Variants in JMJD1C observed in about 807,000 individuals in gnomAD.
JMJD1C encodes the protein jumonji domain-containing protein 1C.
A neutral mutation model predicts 245.3 loss-of-function variants in JMJD1C; 31 were observed. The ratio of observed to expected loss-of-function variants is 0.13; its 90% CI spans 0.09 to 0.17. The LOEUF (loss-of-function observed/expected upper bound fraction) is 0.17, where lower values mean the gene tolerates loss of function less well. Among genes scored for constraint, JMJD1C ranks in the 10% least tolerant of loss-of-function variants. The probability of loss-of-function intolerance (pLI) is 1.00; values close to 1 mark genes in which losing one functional copy is unlikely to be tolerated. For missense variants in JMJD1C, 2,691 were observed against 3,000.2 expected (o/e 0.90, Z 2.41); for synonymous variants, 1,057 against 1,017.4 (o/e 1.04, Z -0.74).
intron 2 of JMJD1C, among the ~76,000 whole-genome samples, chr10:63,379,051 A>G (rs1327166618): frequency 6.6e-6 from 1 of 151,988 alleles, no homozygotes; most frequent in Non-Finnish European, 1.5e-5. Flanking sequence ...CTTTTTATTC[A>G]TATCTCCACT....
At chr10:63,376,265 T>C (rs1317180161) in intron 2 of JMJD1C, among the ~76,000 whole-genome samples, 1 of 152,208 alleles carries the variant, frequency 6.6e-6, no homozygotes, top group African/African-American at 2.4e-5. Context: ...TTACATGATA[T>C]TCCAAACTTA....
intron 1 of JMJD1C, among the ~76,000 whole-genome samples, chr10:63,494,925 T>C (rs1420795902): frequency 6.6e-6 from 1 of 152,194 alleles, no homozygotes; most frequent in African/African-American, 2.4e-5. Flanking sequence ...TCAAGTACCT[T>C]GAGGAAGCCC....
At chr10:63,506,711 AT>A (rs1954729553) in intron 1 of JMJD1C, among the ~76,000 whole-genome samples, 1 of 152,152 alleles carries the variant, frequency 6.6e-6, no homozygotes, top group Admixed American at 6.5e-5. Context: ...CTCCTCCAAT[AT>A]CAACATCCCA....
intron 3 of JMJD1C, among the ~76,000 whole-genome samples, chr10:63,224,597 A>G (rs1849021197): frequency 6.6e-6 from 1 of 152,220 alleles, no homozygotes; most frequent in South Asian, 2.1e-4. Flanking sequence ...ATATATATTT[A>G]CTGACTTGAA....
chr10:63,364,158 C>CG (rs1945651138), intron 2 of JMJD1C, among the ~76,000 whole-genome samples: 1 of 152,202 alleles, frequency 6.6e-6, no homozygotes, highest in Admixed American at 6.5e-5. Flanking sequence ...AGCCACTGCG[C>CG]CCAGACTGTC....
chr10:63,387,421 G>T (rs1237394532), intron 1 of JMJD1C, among the ~76,000 whole-genome samples: 1 of 151,296 alleles, frequency 6.6e-6, no homozygotes, highest in African/African-American at 2.4e-5. Context: ...ATAATACAAA[G>T]AAAAGAAAAA....
intron 2 of JMJD1C, among the ~76,000 whole-genome samples, chr10:63,283,748 G>T (rs1857664778): frequency 6.6e-6 from 1 of 151,968 alleles, no homozygotes; most frequent in African/African-American, 2.4e-5. Flanking sequence ...TCACATTTAG[G>T]TTAAACAATA....
Position 63,295,887 on chromosome 10 carries a change from G to GTA in JMJD1C, c.334-31125_334-31124dup, listed in dbSNP as rs745871180. ...TTCTGCTTAACCACACTATATATAT[G>GTA]TATATATATATACATGAATACGTGT... On this transcript the variant is annotated intron_variant, in intron 2 of 25. Transcript: ENST00000399262. Among the ~76,000 whole-genome samples, 1,347 of 136,040 alleles carry GTA rather than the reference G, an allele frequency of 9.9e-3. 7 individuals carry two copies. The highest frequency in any genetic ancestry group is 0.016 in the Non-Finnish European group (989 of 63,004). 89.2% of individuals were successfully genotyped at this position (136,040 alleles called of 152,430 possible).
intron 1 of JMJD1C, among the ~76,000 whole-genome samples, chr10:63,397,604 G>A (rs942487414): frequency 3.2e-4 from 49 of 152,106 alleles, no homozygotes; most frequent in African/African-American, 2.2e-4. Context: ...CACAATCACG[G>A]TTCATTGCAG....
chr10:63,202,371 C>T, intron 10 of JMJD1C: 1 of 985,294 alleles, frequency 1.0e-6, no homozygotes, highest in Non-Finnish European at 1.2e-6. Context: ...ATTAGATTTA[C>T]ATAGTTTGCT....
intron 10 of JMJD1C, chr10:63,202,685 C>A (rs1846160979): frequency 1.0e-6 from 1 of 985,290 alleles, no homozygotes. Context: ...TGTATAACCA[C>A]ACACCACATC....
intron 1 of JMJD1C, among the ~76,000 whole-genome samples, chr10:63,472,707 C>A (rs1953531008): frequency 6.6e-6 from 1 of 151,928 alleles, no homozygotes; most frequent in African/African-American, 2.4e-5. Flanking sequence ...TATGTTGCAG[C>A]CTTAAGGCAT....
At chr10:63,299,496 T>C (rs1371975917) in intron 2 of JMJD1C, among the ~76,000 whole-genome samples, 1 of 151,966 alleles carries the variant, frequency 6.6e-6, no homozygotes, top group African/African-American at 2.4e-5. Context: ...CTGGCCCAGA[T>C]TTCTTATTAT....
At position 63,278,372 on chromosome 10, in the gene JMJD1C, T is replaced by A. The variant is rs543477698; in HGVS notation, c.334-13608A>T. ...ATAATAATAATAATAATAATAATAA[T>A]AAAATTAGCCGGGTGTGGTAGCGCA... On this transcript the variant is annotated intron_variant, in intron 2 of 25. Coordinates refer to ENST00000399262, the MANE Select transcript of JMJD1C (RefSeq NM_032776.3). 1.1e-4 allele frequency among the ~76,000 whole-genome samples: 17 copies of A among 149,268 alleles called. No individual in the cohort carries two copies. The East Asian group carries it at 1.8e-3, about 15-fold the overall frequency.
intron 2 of JMJD1C, among the ~76,000 whole-genome samples, chr10:63,292,159 T>TTTTTTTTTTTTTTTTTTC (rs1479952780): frequency 6.9e-6 from 1 of 145,144 alleles, no homozygotes; most frequent in Non-Finnish European, 1.5e-5. Flanking sequence ...TTTTTTTTTT[T>TTTTTTTTTTTTTTTTTTC]TTTTGCCTAG....
At chr10:63,209,547 T>C (rs1847075657) in intron 8 of JMJD1C, among the ~76,000 whole-genome samples, 1 of 152,218 alleles carries the variant, frequency 6.6e-6, no homozygotes, top group Admixed American at 6.5e-5. Context: ...CTAGTTTATA[T>C]GATTTCCTGA....
intron 1 of JMJD1C, among the ~76,000 whole-genome samples, chr10:63,509,462 G>GAC (rs1954812753): frequency 6.6e-6 from 1 of 152,156 alleles, no homozygotes. Flanking sequence ...CTGTCTTCTG[G>GAC]AAAAGATTGT....
intron 2 of JMJD1C, among the ~76,000 whole-genome samples, chr10:63,318,251 G>A (rs191353789): frequency 1.1e-4 from 16 of 152,114 alleles, no homozygotes; most frequent in Non-Finnish European, 1.6e-4. Flanking sequence ...TCCTAGACTC[G>A]AGGAATCCTC....
intron 1 of JMJD1C, among the ~76,000 whole-genome samples, chr10:63,432,326 T>TG (rs1475822802): frequency 1.3e-5 from 2 of 152,224 alleles, no homozygotes; most frequent in African/African-American, 4.8e-5. Context: ...GCACTGCCTT[T>TG]GGGACTATCC....
Sources: allele counts gnomAD v4.1 joint callset (sites outside exome capture counted in the v4.1 genomes callset), GRCh38; gene constraint gnomAD v4.1.1; transcripts MANE v1.5; gene names NCBI Gene and HGNC (gene_info 2026-07-23, HGNC 2026-07-21).